SERPINB8: variants seen among roughly 807,000 people sequenced by gnomAD.
SERPINB8 encodes the protein serpin family B member 8.
In SERPINB8, 25 loss-of-function variants were observed where a neutral mutation model predicts 35.3. That is an observed-to-expected ratio of 0.71 (90% CI 0.52 to 0.99). SERPINB8 has a LOEUF of 0.99. Ranked by LOEUF, SERPINB8 falls within the 50% of genes least tolerant of loss-of-function variation. The probability of loss-of-function intolerance (pLI) is 0.00; values close to 1 mark genes in which losing one functional copy is unlikely to be tolerated. For missense variants in SERPINB8, 484 were observed against 446.5 expected, an observed-to-expected ratio of 1.08 and a Z score of -0.76; for synonymous variants, 186 against 160.8, an observed-to-expected ratio of 1.16 and a Z score of -1.19.
intron 7 of SERPINB8, among the ~76,000 whole-genome samples, chr18:64,016,620 T>C (rs995540557): frequency 7.9e-5 from 12 of 152,204 alleles, no homozygotes; most frequent in Non-Finnish European, 1.6e-4. Context: ...AATGCCTCCC[T>C]TATTTTATGG....
Position 63,988,975 on chromosome 18 carries a change from T to G in SERPINB8, c.*1697T>G, listed in dbSNP as rs2144829601. ...ATCGCTATATTCAAGATAATGAACC[T>G]ATCTATCATACTCCCAAATTCCTTC... On this transcript the variant is annotated 3_prime_UTR_variant, in exon 7 of 7. Transcript: ENST00000397985. 6.6e-6 allele frequency: 1 copy of G among 152,362 alleles called. No homozygotes were observed. The highest frequency in any genetic ancestry group is 1.9e-4 in the East Asian group (1 of 5,188). 9.4% of individuals were successfully genotyped at this position (152,362 alleles called of 1,614,324 possible).
At chr18:63,989,966 A>AAC (rs1555715817), downstream of SERPINB8, among the ~76,000 whole-genome samples, 573 of 144,986 alleles carry the variant, frequency 4.0e-3, 35 homozygotes, top group African/African-American at 0.015. Context: ...AAAAAAAAAA[A>AAC]AAACCAAAAT....
chr18:64,003,020 C>T (rs887288068), intron 1 of SERPINB8, among the ~76,000 whole-genome samples: 1 of 152,184 alleles, frequency 6.6e-6, no homozygotes, highest in Non-Finnish European at 1.5e-5. Flanking sequence ...GCCGTCTGAC[C>T]GCATTTCCAT....
rs1336940002 is a variant in SERPINB8 at position 63,986,158 on chromosome 18, T to G, written c.721-716T>G. 4.9e-6 allele frequency: 5 copies of G among 1,015,994 alleles called. No individual in the cohort carries two copies. In the East Asian group the frequency reaches 1.2e-4, roughly 25 times the overall value. 62.9% of individuals were successfully genotyped at this position (1,015,994 alleles called of 1,614,324 possible). On this transcript the variant is annotated intron_variant, in intron 6 of 6. Transcript: ENST00000397985. The stretch of plus-strand genomic sequence containing the variant: ...GAGTCAAAATCAAAACAATGCTCGT[T>G]GGAGAGGAGTACCCACCTGGGCTCC...
chr18:63,986,451 T>TC, intron 6 of SERPINB8: 1 of 1,408,460 alleles, frequency 7.1e-7, no homozygotes, highest in Non-Finnish European at 9.2e-7. Flanking sequence ...CCCTGAATAG[T>TC]CCCCTCATTA....
Position 63,987,481 on chromosome 18 carries a change from G to T in SERPINB8, c.*203G>T, listed in dbSNP as rs944470343. ...ATGCATGAAATTTGGGCCTGGGAAG[G>T]CTATGCTGGTTTTGGAGTGTTTGGG... On this transcript the variant is annotated 3_prime_UTR_variant, in exon 7 of 7. Coordinates refer to ENST00000397985, the MANE Select transcript of SERPINB8 (RefSeq NM_002640.4). 8.5e-5 allele frequency: 50 copies of T among 589,746 alleles called. No homozygotes were observed. The African/African-American group carries it at 8.8e-4, about 10-fold the overall frequency. 36.5% of individuals were successfully genotyped at this position (589,746 alleles called of 1,614,324 possible).
chr18:63,990,593 G>A (rs1315339971), downstream of SERPINB8, among the ~76,000 whole-genome samples: 1 of 151,302 alleles, frequency 6.6e-6, no homozygotes, highest in East Asian at 1.9e-4. Flanking sequence ...GTATACATGT[G>A]CCATGTTGGT....
rs763593946 is a variant in SERPINB8, at chr18:63,987,234, A to G, written c.1081A>G (p.Lys361Glu). The change falls in exon 7 of 7, where the codon AAA (lysine) becomes GAA (glutamate). Residue 361 changes from lysine (K) to glutamate (E), a missense_variant. Lys to Glu is a moderately conservative substitution (Grantham distance 56). Coordinates refer to ENST00000397985, the MANE Select transcript of SERPINB8 (RefSeq NM_002640.4). ...TTTTCTTTTCTTCATCAGGCACCACAAAACCAACTGCATCTTGTTCTGTGG... is the reference window on the plus strand; with the variant it reads ...TTTTCTTTTCTTCATCAGGCACCACGAAACCAACTGCATCTTGTTCTGTGG... ...HPFLFFIRHH[K>E]TNCILFCGRF... 1.2e-6 allele frequency: 2 copies of G among 1,614,052 alleles called. No individual in the cohort carries two copies. The highest frequency in any genetic ancestry group is 1.6e-4 in the Middle Eastern group (1 of 6,062).
chr18:64,015,190 G>A (rs2050944063), intron 7 of SERPINB8, among the ~76,000 whole-genome samples: 1 of 152,128 alleles, frequency 6.6e-6, no homozygotes, highest in African/African-American at 2.4e-5. Context: ...GCCCAGTTGT[G>A]GGGGTGGACA....
Position 63,987,135 on chromosome 18 carries a change from G to T in SERPINB8, c.982G>T (p.Ala328Ser). The change falls in exon 7 of 7, where the codon GCT becomes TCT. Residue 328 changes from alanine to serine, a missense_variant. Physicochemically the swap from Ala to Ser is moderately conservative, Grantham distance 99. Coordinates refer to ENST00000397985, the MANE Select transcript of SERPINB8 (RefSeq NM_002640.4). ...GGAGGTCAATGAGGAAGGCACAGAG[G>T]CTGCCGCAGCCACTGCTGTGGTCAG... ...FVEVNEEGTE[A>S]AAATAVVRNS... 4 of 1,613,970 alleles carry T rather than the reference G, an allele frequency of 2.5e-6. No homozygotes were observed. Among genetic ancestry groups the T allele is most frequent in the African/African-American group, 1.3e-5 (1 of 75,038 alleles).
chr18:63,978,808 T>C (rs2144800181), intron 2 of SERPINB8, among the ~76,000 whole-genome samples: 1 of 152,344 alleles, frequency 6.6e-6, no homozygotes, highest in African/African-American at 2.4e-5. Context: ...TTGTTACATT[T>C]TAAACTTTTG....
chr18:64,018,595 C>T (rs1176335693), intron 7 of SERPINB8, among the ~76,000 whole-genome samples: 1 of 152,056 alleles, frequency 6.6e-6, no homozygotes, highest in African/African-American at 2.4e-5. Context: ...ATCATTATGA[C>T]CATTTTAATT....
chr18:63,987,601 C>CTTA lies in SERPINB8; in HGVS notation c.*323_*324insTTA. 6.3e-6 allele frequency: 1 copy of CTTA among 158,610 alleles called. No homozygotes were observed. The allele number at this position is 158,610 out of a possible 1,614,324, so 9.8% of individuals were successfully genotyped here. A position where few individuals can be genotyped will look rare whatever the true frequency, so the allele number is the denominator to read the frequency against. On this transcript the variant is annotated 3_prime_UTR_variant, in exon 7 of 7. Coordinates refer to ENST00000397985, the MANE Select transcript of SERPINB8 (RefSeq NM_002640.4). The stretch of plus-strand genomic sequence containing the variant: ...CAGGGCTTCAGGAGCCAGCCCTCTT[C>CTTA]CATCCGCCCGGCTCTGCCCACCACC...
chr18:63,978,410 C>T lies in SERPINB8; in HGVS notation c.102C>T (p.Ser34=), dbSNP rs368065861. 3.1e-6 allele frequency: 5 copies of T among 1,614,116 alleles called. No homozygotes were observed. The highest frequency in any genetic ancestry group is 4.2e-6 in the Non-Finnish European group (5 of 1,180,034). Residue 34 remains serine (S), a synonymous_variant, in exon 2 of 7, where the codon AGC becomes AGT. Coordinates refer to ENST00000397985, the MANE Select transcript of SERPINB8 (RefSeq NM_002640.4). ...GAAACGTATTCTTCTCTCCCATGAG[C>T]ATCTCCTCTGCCCTGGCCATGGTCT... is the stretch of plus-strand genomic sequence containing the variant. ...NSRNVFFSPM[S]ISSALAMVFM...
At position 63,987,867 on chromosome 18, in the gene SERPINB8, A is replaced by G. The variant is rs1299117211; in HGVS notation, c.*589A>G. ...TACAAGTTCAGGGACTCAGCAATGCACTTTAGGACTGAGCTAGGAGGCAAA... is the reference window on the plus strand; with the variant it reads ...TACAAGTTCAGGGACTCAGCAATGCGCTTTAGGACTGAGCTAGGAGGCAAA... On this transcript the variant is annotated 3_prime_UTR_variant, in exon 7 of 7. Transcript: ENST00000397985. The G allele has an allele frequency of 6.6e-6, 1 of 152,506 alleles. No individual in the cohort carries two copies. Among genetic ancestry groups the G allele is most frequent in the Non-Finnish European group, 1.5e-5 (1 of 68,286 alleles). The allele number at this position is 152,506 out of a possible 1,614,324, so 9.4% of individuals were successfully genotyped here.
downstream of SERPINB8, among the ~76,000 whole-genome samples, chr18:64,008,893 T>G (rs913426410): frequency 6.6e-6 from 1 of 152,112 alleles, no homozygotes; most frequent in Non-Finnish European, 1.5e-5. Flanking sequence ...TGCTTCAGTC[T>G]CCTAATCTGA....
At chr18:64,014,483 C>G (rs1024002742) in intron 7 of SERPINB8, among the ~76,000 whole-genome samples, 9 of 151,990 alleles carry the variant, frequency 5.9e-5, no homozygotes, top group Admixed American at 1.3e-4. Flanking sequence ...ATGAAAGGGC[C>G]CTGGGAATGG....
chr18:63,970,799 C>T (rs2050461845), intron 1 of SERPINB8, among the ~76,000 whole-genome samples: 1 of 151,388 alleles, frequency 6.6e-6, no homozygotes, highest in African/African-American at 2.4e-5. Context: ...CCCCTCCGTT[C>T]TTTCCACCCC....
In SERPINB8 at chr18:63,972,613, T is replaced by A. The variant is rs139612655; in HGVS notation, c.-11+2443T>A. On this transcript the variant is annotated intron_variant, in intron 1 of 6. Transcript: ENST00000397985. ...TCAACTAGTCATTTACATTAGGTAT[T>A]TCTCCTAATGCTATTCCTCTCACAT... Among the ~76,000 whole-genome samples the A allele has an allele frequency of 9.2e-3, 1,400 of 152,216 alleles. 11 individuals carry two copies. Among genetic ancestry groups the A allele is most frequent in the Non-Finnish European group, 9.1e-3 (622 of 68,014 alleles).
Sources: gnomAD v4.1 joint callset for allele counts (sites outside exome capture counted in the v4.1 genomes callset) on GRCh38, gnomAD v4.1.1 for gene constraint, MANE v1.5 for transcripts, NCBI Gene and HGNC (gene_info 2026-07-23, HGNC 2026-07-21) for gene names.